The following GNE variants were observed in gnomAD, a reference collection of about 807,000 sequenced individuals.
The protein encoded by GNE is bifunctional UDP-N-acetylglucosamine 2-epimerase/N-acetylmannosamine kinase.
A neutral mutation model predicts 61.8 loss-of-function variants in GNE; 41 were observed. The ratio of observed to expected loss-of-function variants is 0.66; its 90% confidence interval spans 0.52 to 0.86. The LOEUF is 0.86. GNE is among the 40% of genes least tolerant of loss of function. GNE has a pLI of 0.00. For synonymous variants in GNE, 264 were observed against 326.4 expected (o/e 0.81, Z 2.06); for missense variants, 608 against 909.1 (o/e 0.67, Z 4.26).
Position 36,219,726 on chromosome 9 carries a change from A to G in GNE, c.1816+112T>C, listed in dbSNP as rs1828497699. ...GAGGGAGCCCTGCTCTTTCCCTAAGAAGTGAAAAGGGGGAAACTTCTGGCT... is the reference window on the plus strand; with the variant it reads ...GAGGGAGCCCTGCTCTTTCCCTAAGGAGTGAAAAGGGGGAAACTTCTGGCT... On this transcript the variant is annotated intron_variant, in intron 10 of 11. Transcript: ENST00000642385. The G allele has an allele frequency of 1.0e-5, 10 of 960,756 alleles. No homozygotes were observed. In the East Asian group the frequency reaches 2.4e-4, roughly 23 times the overall value. 59.5% of individuals were successfully genotyped at this position (960,756 alleles called of 1,614,324 possible).
chr9:36,255,245 T>C (rs778763468), intron 1 of GNE, among the ~76,000 whole-genome samples: 1 of 152,178 alleles, frequency 6.6e-6, no homozygotes, highest in South Asian at 2.1e-4. Flanking sequence ...TGTCACTCTG[T>C]TGCCCAGGCT....
At chr9:36,261,323 C>A (rs566896896), upstream of GNE, among the ~76,000 whole-genome samples, 251 of 152,218 alleles carry the variant, frequency 1.6e-3, 1 homozygote, top group Non-Finnish European at 2.9e-3. Context: ...CTTTGGGAGG[C>A]TGAGGTGGGC....
intron 1 of GNE, among the ~76,000 whole-genome samples, chr9:36,272,244 T>G (rs1831055048): frequency 6.6e-6 from 1 of 152,196 alleles, no homozygotes; most frequent in East Asian, 1.9e-4. Flanking sequence ...CATGATGTTA[T>G]GCTAAGGAGG....
chr9:36,249,114 G>A, intron 2 of GNE, 78 bp downstream of exon 2: 1 of 1,103,436 alleles, frequency 9.1e-7, no homozygotes, highest in South Asian at 1.2e-5. Context: ...ATTTGAAGCT[G>A]GGCCCATATG....
intron 1 of GNE, among the ~76,000 whole-genome samples, chr9:36,273,713 A>C (rs949623365): frequency 6.8e-6 from 1 of 146,680 alleles, no homozygotes; most frequent in African/African-American, 2.5e-5. Context: ...GCTGGAGTGC[A>C]ATGGTGTGAT....
intron 7 of GNE, among the ~76,000 whole-genome samples, chr9:36,225,404 G>A (rs1828816473): frequency 6.6e-6 from 1 of 152,168 alleles, no homozygotes; most frequent in Non-Finnish European, 1.5e-5. Context: ...GGAGGTCGAG[G>A]CTGGCAGATC....
chr9:36,243,004 T>C lies in GNE; in HGVS notation c.616+3027A>G, dbSNP rs1323795673. 4.7e-4 allele frequency among the ~76,000 whole-genome samples: 71 copies of C among 152,120 alleles called. 3 individuals are homozygous for C. Among genetic ancestry groups the C allele is most frequent in the Admixed American group, 4.5e-3 (69 of 15,266 alleles). On this transcript the variant is annotated intron_variant, in intron 3 of 11. Transcript: ENST00000642385. Reference sequence around the variant, plus strand: ...ATCCACCTGCCTGGGCCTCCCAAAGTGCTAGGGTCACAGGCATGAGCCACT... The same window carrying C: ...ATCCACCTGCCTGGGCCTCCCAAAGCGCTAGGGTCACAGGCATGAGCCACT...
At chr9:36,228,892 G>T in intron 6 of GNE, 129 bp downstream of exon 6, 1 of 744,874 alleles carries the variant, frequency 1.3e-6, no homozygotes, top group South Asian at 1.4e-5. Context: ...TGTCTCCCCA[G>T]CAACTAGGGG....
At chr9:36,263,519 C>T (rs572513725) in intron 1 of GNE, 4 of 154,006 alleles carry the variant, frequency 2.6e-5, no homozygotes, top group African/African-American at 9.6e-5. Context: ...TCACATAACT[C>T]TTCTATTATC....
intron 10 of GNE, 120 bp downstream of exon 10, chr9:36,219,718 T>C: frequency 1.1e-6 from 1 of 900,422 alleles, no homozygotes; most frequent in Non-Finnish European, 1.8e-6. Flanking sequence ...CCCTGCTCTT[T>C]CCCTAAGAAG....
chr9:36,267,602 A>T (rs1830853603), intron 1 of GNE, among the ~76,000 whole-genome samples: 1 of 152,134 alleles, frequency 6.6e-6, no homozygotes, highest in African/African-American at 2.4e-5. Context: ...AAGCTTATGC[A>T]TGAGAATCGC....
rs1435196589 is a variant in GNE, at chr9:36,218,147, C to A, written c.1933+36G>T. On this transcript the variant is annotated intron_variant, in intron 11 of 11. Transcript: ENST00000642385. The surrounding 1 kb of genome is among the most constrained non-coding windows in gnomAD (Gnocchi z 4.1). ...TGGGCCATATGATATCTGAGGCCAC[C>A]CCCTGCAGCACAGCCACCTGCAGCC... 3 of 1,408,890 alleles carry A rather than the reference C, an allele frequency of 2.1e-6. No individual in the cohort carries two copies. Among genetic ancestry groups the A allele is most frequent in the African/African-American group, 1.4e-5 (1 of 70,900 alleles). The allele number at this position is 1,408,890 out of a possible 1,614,324, so 87.3% of individuals were successfully genotyped here.
intron 1 of GNE, among the ~76,000 whole-genome samples, chr9:36,275,599 C>T (rs1831231693): frequency 6.6e-6 from 1 of 151,190 alleles, no homozygotes; most frequent in Admixed American, 6.6e-5. Context: ...GTCAGTTATA[C>T]AAAAAAAATG....
At chr9:36,268,340 C>A (rs1356691510) in intron 1 of GNE, among the ~76,000 whole-genome samples, 1 of 152,068 alleles carries the variant, frequency 6.6e-6, no homozygotes, top group African/African-American at 2.4e-5. Flanking sequence ...AATGTTGGAT[C>A]AACACAATTA....
chr9:36,233,870 T>A (rs745781462), intron 5 of GNE, 50 bp downstream of exon 5: 25 of 1,349,272 alleles, frequency 1.9e-5, no homozygotes, highest in Non-Finnish European at 2.6e-5. Context: ...TTATAACAAC[T>A]CACGTATGTA....
chr9:36,260,147 G>A (rs1402052909), upstream of GNE, among the ~76,000 whole-genome samples: 1 of 152,014 alleles, frequency 6.6e-6, no homozygotes, highest in Non-Finnish European at 1.5e-5. Flanking sequence ...CAGGTGTGGT[G>A]GCTCACACCT....
chr9:36,239,242 G>T (rs530251498), intron 3 of GNE, among the ~76,000 whole-genome samples: 2 of 152,034 alleles, frequency 1.3e-5, no homozygotes, highest in South Asian at 4.2e-4. Context: ...ATGAATTTTA[G>T]AATTATTTTT....
At chr9:36,257,802 CAAAAAAAAAAAAA>C (rs60845805) in intron 1 of GNE, among the ~76,000 whole-genome samples, 172 of 25,254 alleles carry the variant, frequency 6.8e-3, no homozygotes, top group Middle Eastern at 0.062. Context: ...GACTCAGTCT[CAAAAAAAAAAAAA>C]AAAAAAAAAA....
chr9:36,255,356 C>T (rs1033892220), intron 1 of GNE, among the ~76,000 whole-genome samples: 14 of 151,930 alleles, frequency 9.2e-5, no homozygotes, highest in African/African-American at 3.1e-4. Context: ...TACAGGCGCA[C>T]GCCACCATGC....
Sources: gnomAD v4.1 joint callset for allele counts (sites outside exome capture counted in the v4.1 genomes callset) on GRCh38, gnomAD v4.1.1 for gene constraint, Gnocchi (gnomAD v3.1) non-coding constraint, MANE v1.5 for transcripts, NCBI Gene and HGNC (gene_info 2026-07-23, HGNC 2026-07-21) for gene names.